Variants in THNSL2 observed in about 807,000 individuals in gnomAD.
THNSL2 encodes the protein threonine synthase like 2.
In THNSL2, 34 loss-of-function variants were observed where a neutral mutation model predicts 40.0. The observed-to-expected ratio is 0.85, with a 90% CI of 0.65 to 1.13. The LOEUF (loss-of-function observed/expected upper bound fraction) is 1.13. Among genes scored for constraint, THNSL2 ranks in the 50% most tolerant of loss-of-function variants. THNSL2 has a pLI of 0.00. For missense variants in THNSL2, 537 were observed against 608.8 expected (o/e 0.88, Z 1.24); for synonymous variants, 241 against 247.5 (o/e 0.97, Z 0.25).
chr2:88,183,330 G>A (rs1222442647), intron 7 of THNSL2: 1 of 373,970 alleles, frequency 2.7e-6, no homozygotes, highest in Non-Finnish European at 4.7e-6. Flanking sequence ...TCTGTGCCTT[G>A]GTTCCTTCGT....
At chr2:88,180,804 C>T (rs1481207865) in intron 5 of THNSL2, among the ~76,000 whole-genome samples, 3 of 152,144 alleles carry the variant, frequency 2.0e-5, no homozygotes, top group Non-Finnish European at 4.4e-5. Context: ...ACTGCTCTGG[C>T]CTCCCCTGGT....
Position 88,173,206 on chromosome 2 carries a change from T to G in THNSL2, c.56T>G (p.Leu19Arg). The part of the protein sequence containing the change: ...VAPRVNFEGA[L>R]FSGYAPDGGL... ...CCACGGGTCAACTTTGAGGGGGCCC[T>G]CTTCTCTGGCTATGCACCTGACGGG... Residue 19 changes from leucine (L) to arginine (R), a missense_variant, in exon 2 of 9, where the codon CTC (leucine) becomes CGC (arginine). Coordinates refer to ENST00000674334, the MANE Select transcript of THNSL2 (RefSeq NM_018271.5). 3.7e-6 allele frequency: 6 copies of G among 1,608,416 alleles called. No homozygotes were observed. The highest frequency in any genetic ancestry group is 5.1e-6 in the Non-Finnish European group (6 of 1,177,490).
At chr2:88,173,892 G>A (rs1014032266) in intron 2 of THNSL2, among the ~76,000 whole-genome samples, 45 of 152,166 alleles carry the variant, frequency 3.0e-4, no homozygotes, top group Non-Finnish European at 2.9e-5. Context: ...TGAGAATTCT[G>A]CATTTCTGTC....
In THNSL2 at chr2:88,174,737, G is replaced by A. The variant is rs35541720; in HGVS notation, c.322G>A (p.Val108Ile). 0.014 allele frequency: 22,417 copies of A among 1,614,146 alleles called. 189 individuals carry two copies. Among genetic ancestry groups the A allele is most frequent in the Non-Finnish European group, 0.016 (19,381 of 1,180,036 alleles). ...GAACGTGTTGGAGCTGTGGCATGGCGTCACATATGCATTTAAGGACCTGTC... is the reference window on the plus strand; with the variant it reads ...GAACGTGTTGGAGCTGTGGCATGGCATCACATATGCATTTAAGGACCTGTC... The part of the protein sequence containing the change: ...GLNVLELWHG[V>I]TYAFKDLSLS... Residue 108 changes from valine (V) to isoleucine (I), a missense_variant, in exon 3 of 9, where the codon GTC becomes ATC. Physicochemically the swap from Val to Ile is conservative, Grantham distance 29. Transcript: ENST00000674334.
intron 8 of THNSL2, 178 bp from the exon 9 acceptor site, chr2:88,185,720 G>A (rs956280183): frequency 6.4e-7 from 1 of 1,550,926 alleles, no homozygotes; most frequent in Admixed American, 2.0e-5. Flanking sequence ...GGAGCAGTTT[G>A]CCAGGTAGCG....
chr2:88,180,145 C>T (rs986817434), intron 5 of THNSL2, among the ~76,000 whole-genome samples: 1 of 152,220 alleles, frequency 6.6e-6, no homozygotes, highest in African/African-American at 2.4e-5. Flanking sequence ...GGCCAGCCGC[C>T]CTCTGCAGCC....
chr2:88,183,009 G>A lies in THNSL2; in HGVS notation c.1013G>A (p.Arg338Lys), dbSNP rs756435296. ...LLSGSDSQVTRALMEQFERTQ... is the reference protein window; with the variant it reads ...LLSGSDSQVTKALMEQFERTQ... ...TCTGGCTCTGACAGCCAGGTGACAA[G>A]AGCCCTCATGGAGCAGTTTGAAAGG... The change falls in exon 7 of 9, where the codon AGA becomes AAA. Residue 338 changes from arginine to lysine, a missense_variant. Transcript: ENST00000674334. The A allele has an allele frequency of 2.8e-5, 45 of 1,613,982 alleles. No homozygotes were observed. The highest frequency in any genetic ancestry group is 3.6e-5 in the Non-Finnish European group (42 of 1,180,042).
intron 1 of THNSL2, among the ~76,000 whole-genome samples, 161 bp downstream of exon 1, chr2:88,170,617 A>G (rs927853679): frequency 6.6e-6 from 1 of 152,108 alleles, no homozygotes; most frequent in African/African-American, 2.4e-5. Flanking sequence ...GACTTGAGGA[A>G]CTTGGGAGGG....
chr2:88,178,776 CT>C lies in THNSL2; in HGVS notation c.572-6del, dbSNP rs757784694. The stretch of plus-strand genomic sequence containing the variant: ...TGACAGCTGCCCTCTTCTCTCCCCC[CT>C]GGCAGTGGAGGGAAACAGCGATGAG... On this transcript the variant is annotated splice_region_variant and splice_polypyrimidine_tract_variant and intron_variant, in intron 4 of 8. Transcript: ENST00000674334. The C allele has an allele frequency of 5.1e-5, 82 of 1,613,946 alleles. 1 individual carries two copies. The highest frequency in any genetic ancestry group is 2.2e-4 in the East Asian group (10 of 44,878).
intron 7 of THNSL2, chr2:88,183,630 T>C (rs1421163115): frequency 6.6e-6 from 1 of 152,018 alleles, no homozygotes; most frequent in Non-Finnish European, 1.5e-5. Context: ...CTTCCTCCTT[T>C]CCATCTTTCT....
At chr2:88,183,268 A>C in intron 7 of THNSL2, 195 bp downstream of exon 7, 1 of 676,432 alleles carries the variant, frequency 1.5e-6, no homozygotes, top group Non-Finnish European at 2.3e-6. Context: ...GTTTAGAGTC[A>C]AATGAGCTCA....
At chr2:88,175,069 C>T (rs1329779984) in intron 3 of THNSL2, among the ~76,000 whole-genome samples, 180 bp from the exon 4 acceptor site, 3 of 152,206 alleles carry the variant, frequency 2.0e-5, no homozygotes, top group Non-Finnish European at 4.4e-5. Context: ...TTCACAAGTT[C>T]ACTTATGTCC....
At chr2:88,174,603 G>A (rs1676703175) in intron 2 of THNSL2, 36 bp from the exon 3 acceptor site, 6 of 1,587,214 alleles carry the variant, frequency 3.8e-6, no homozygotes, top group Non-Finnish European at 5.2e-6. Context: ...AAGAGACCAG[G>A]CCCCTCATTG....
chr2:88,186,289 C>G lies in THNSL2; in HGVS notation c.*166C>G. On this transcript the variant is annotated 3_prime_UTR_variant, in exon 9 of 9. Coordinates refer to ENST00000674334, the MANE Select transcript of THNSL2 (RefSeq NM_018271.5). ...GCTCCGTTCCCTGGCTAGTCTGTGCCTGGTCACCAGGGAGGCTGAGTGAGG... is the reference window on the plus strand; with the variant it reads ...GCTCCGTTCCCTGGCTAGTCTGTGCGTGGTCACCAGGGAGGCTGAGTGAGG... 4.3e-6 allele frequency: 3 copies of G among 695,470 alleles called. No homozygotes were observed. The highest frequency in any genetic ancestry group is 3.7e-5 in the South Asian group (2 of 54,494). The allele number at this position is 695,470 out of a possible 1,614,324, so 43.1% of individuals were successfully genotyped here.
chr2:88,185,292 C>T (rs777381551), intron 7 of THNSL2, 36 bp from the exon 8 acceptor site: 8 of 1,593,182 alleles, frequency 5.0e-6, no homozygotes, highest in Non-Finnish European at 6.0e-6. Context: ...TACATCCCCC[C>T]CCCACACCTC....
chr2:88,183,313 C>A, intron 7 of THNSL2: 1 of 438,666 alleles, frequency 2.3e-6, no homozygotes, highest in East Asian at 3.8e-5. Context: ...GGGCTAGTTT[C>A]CTAAACTCTG....
chr2:88,185,703 A>T, intron 8 of THNSL2, 195 bp from the exon 9 acceptor site: 1 of 1,551,380 alleles, frequency 6.4e-7, no homozygotes. Flanking sequence ...CTGGCCTCCA[A>T]CCAGGAGGAG....
chr2:88,180,783 G>A (rs899853062), intron 5 of THNSL2, among the ~76,000 whole-genome samples: 3 of 152,176 alleles, frequency 2.0e-5, no homozygotes, highest in Middle Eastern at 3.2e-3. Flanking sequence ...CTGTTGGGGT[G>A]GACTGAGGTT....
intron 4 of THNSL2, chr2:88,175,849 G>A (rs1292118441): frequency 6.4e-6 from 1 of 156,602 alleles, no homozygotes; most frequent in African/African-American, 2.4e-5. Flanking sequence ...TGTAATCCCA[G>A]CACTTTGGGA....
Sources: allele counts gnomAD v4.1 joint callset (sites outside exome capture counted in the v4.1 genomes callset), GRCh38; gene constraint gnomAD v4.1.1; transcripts MANE v1.5; gene names NCBI Gene and HGNC (gene_info 2026-07-23, HGNC 2026-07-21).